CPNE8: variants seen among roughly 807,000 people sequenced by gnomAD.
The protein encoded by CPNE8 is copine-8.
In CPNE8, 45 loss-of-function variants were observed where a neutral mutation model predicts 81.5. The ratio of observed to expected loss-of-function variants is 0.55; its 90% CI spans 0.44 to 0.71. CPNE8 has a LOEUF of 0.71. Ranked by LOEUF, CPNE8 falls within the 30% of genes least tolerant of loss-of-function variation. The pLI is 0.00. For synonymous variants in CPNE8, 252 were observed against 226.3 expected (o/e 1.11, Z -1.02); for missense variants, 594 against 672.1 (o/e 0.88, Z 1.28).
chr12:38,831,123 T>A (rs1256889762), intron 5 of CPNE8, among the ~76,000 whole-genome samples: 1 of 152,060 alleles, frequency 6.6e-6, no homozygotes, highest in African/African-American at 2.4e-5. Context: ...AGGAATCAGA[T>A]CAGATATTGC....
At chr12:38,776,447 G>A (rs544021638) in intron 6 of CPNE8, 146 bp from the exon 7 acceptor site, 1 of 246,642 alleles carries the variant, frequency 4.1e-6, no homozygotes, top group Admixed American at 5.5e-5. Context: ...TATATTTTGA[G>A]TAGCTGGGAT....
chr12:38,728,691 A>G (rs956529399), intron 11 of CPNE8, among the ~76,000 whole-genome samples: 2 of 152,184 alleles, frequency 1.3e-5, no homozygotes, highest in African/African-American at 2.4e-5. Flanking sequence ...AGAAAGTGGC[A>G]GAAATAATTA....
In CPNE8 at chr12:38,799,054, C is replaced by A. The variant is rs536722745; in HGVS notation, c.408-22753G>T. Among the ~76,000 whole-genome samples the A allele has an allele frequency of 8.2e-4, 125 of 152,200 alleles. No homozygotes were observed. The East Asian group carries it at 8.9e-3, about 11-fold the overall frequency. ...GAGCACCCAGATTCATAAAGCAAGT[C>A]CTCAGTGACCTACAAAGAGACTTAG... On this transcript the variant is annotated intron_variant, in intron 6 of 19. Transcript: ENST00000331366.
At chr12:38,775,197 C>T (rs545266987) in intron 7 of CPNE8, among the ~76,000 whole-genome samples, 7 of 152,186 alleles carry the variant, frequency 4.6e-5, no homozygotes, top group South Asian at 2.1e-4. Flanking sequence ...CAATAGCTCA[C>T]GGCAGCCTTG....
intron 4 of CPNE8, among the ~76,000 whole-genome samples, chr12:38,842,352 G>A (rs1040821541): frequency 2.6e-5 from 4 of 152,100 alleles, no homozygotes; most frequent in East Asian, 1.9e-4. Flanking sequence ...AAAGAACCGA[G>A]TGTGGACTGG....
At chr12:38,797,692 G>A (rs1334716139) in intron 6 of CPNE8, among the ~76,000 whole-genome samples, 1 of 152,186 alleles carries the variant, frequency 6.6e-6, no homozygotes, top group African/African-American at 2.4e-5. Context: ...GAACAAAGCT[G>A]GACGGAGAAT....
chr12:38,868,360 T>G (rs1050381613), intron 3 of CPNE8, among the ~76,000 whole-genome samples: 14 of 152,234 alleles, frequency 9.2e-5, no homozygotes, highest in African/African-American at 2.6e-4. Flanking sequence ...GTATCTAAAT[T>G]TTCCCATTCT....
intron 17 of CPNE8, chr12:38,676,343 A>G (rs761655043): frequency 1.5e-5 from 15 of 981,434 alleles, no homozygotes; most frequent in Non-Finnish European, 1.8e-5. Context: ...GTAAGATCAA[A>G]TAGAAGGTAA....
chr12:38,776,012 T>C (rs1256411062), intron 7 of CPNE8, among the ~76,000 whole-genome samples: 1 of 152,166 alleles, frequency 6.6e-6, no homozygotes, highest in Admixed American at 6.5e-5. Context: ...ATTTTAATAC[T>C]TTCAATTCCT....
intron 16 of CPNE8, among the ~76,000 whole-genome samples, chr12:38,677,812 GA>G (rs1316121131): frequency 6.6e-5 from 10 of 151,902 alleles, no homozygotes; most frequent in African/African-American, 2.4e-4. Context: ...TGTGCTAGAT[GA>G]GTGACTATTT....
chr12:38,816,904 G>T (rs1047523403), intron 6 of CPNE8, among the ~76,000 whole-genome samples: 1 of 152,136 alleles, frequency 6.6e-6, no homozygotes, highest in African/African-American at 2.4e-5. Flanking sequence ...CAAGATTATT[G>T]GAAATTTTTA....
rs1209046658 is a variant in CPNE8, at chr12:38,670,809, G to A, written c.1433-7C>T. 3 of 1,592,144 alleles carry A rather than the reference G, an allele frequency of 1.9e-6. No homozygotes were observed. Among genetic ancestry groups the A allele is most frequent in the Non-Finnish European group, 2.6e-6 (3 of 1,163,722 alleles). On this transcript the variant is annotated splice_region_variant and splice_polypyrimidine_tract_variant and intron_variant, in intron 18 of 19. Transcript: ENST00000331366. ...CCATCCAATTCGACCATTGCTTTAA[G>A]AGAAAATATGATCATTTATTCAGTA...
chr12:38,897,068 A>G (rs1332577381), intron 1 of CPNE8, among the ~76,000 whole-genome samples: 1 of 152,146 alleles, frequency 6.6e-6, no homozygotes, highest in Non-Finnish European at 1.5e-5. Flanking sequence ...CAAAAGTTGA[A>G]ACAGGTTACC....
intron 3 of CPNE8, among the ~76,000 whole-genome samples, chr12:38,868,143 T>C (rs550666242): frequency 1.1e-4 from 16 of 152,248 alleles, no homozygotes; most frequent in African/African-American, 3.6e-4. Context: ...ATAACCACTA[T>C]ATTATTGAGA....
At chr12:38,803,663 T>C (rs1451419396) in intron 6 of CPNE8, among the ~76,000 whole-genome samples, 1 of 148,750 alleles carries the variant, frequency 6.7e-6, no homozygotes, top group Non-Finnish European at 1.5e-5. Context: ...GCCAGGGCAA[T>C]CAGGCAGGAG....
intron 13 of CPNE8, among the ~76,000 whole-genome samples, chr12:38,722,023 G>C (rs896375588): frequency 6.6e-6 from 1 of 152,140 alleles, no homozygotes; most frequent in Non-Finnish European, 1.5e-5. Context: ...CATGAGAAAA[G>C]TGCAGCCTGC....
intron 13 of CPNE8, among the ~76,000 whole-genome samples, chr12:38,719,148 T>C (rs1276814803): frequency 6.6e-6 from 1 of 152,204 alleles, no homozygotes; most frequent in Non-Finnish European, 1.5e-5. Flanking sequence ...AATTGAATTA[T>C]ATCCTTTTAC....
chr12:38,739,676 C>T (rs998486780), intron 10 of CPNE8, among the ~76,000 whole-genome samples: 9 of 152,068 alleles, frequency 5.9e-5, no homozygotes, highest in African/African-American at 2.2e-4. Flanking sequence ...TTCCTATTCA[C>T]TTTTTAAAAG....
chr12:38,665,355 C>A (rs1490983522), intron 19 of CPNE8, among the ~76,000 whole-genome samples: 3 of 152,158 alleles, frequency 2.0e-5, no homozygotes, highest in Admixed American at 1.3e-4. Flanking sequence ...ATTAATTTAT[C>A]ACATTCATGT....
Sources: allele counts gnomAD v4.1 joint callset (sites outside exome capture counted in the v4.1 genomes callset), GRCh38; gene constraint gnomAD v4.1.1; transcripts MANE v1.5; gene names NCBI Gene and HGNC (gene_info 2026-07-23, HGNC 2026-07-21).